The following SOX5 variants were observed in gnomAD, a reference collection of about 807,000 sequenced individuals.
SOX5 encodes SRY-box transcription factor 5.
SOX5 carries 9 observed loss-of-function variants against 92.0 expected under a neutral mutation model. The ratio of observed to expected loss-of-function variants is 0.10; its 90% CI spans 0.06 to 0.17. SOX5 has a LOEUF of 0.17. Among genes scored for constraint, SOX5 ranks in the 10% least tolerant of loss-of-function variants. SOX5 has a pLI of 1.00. For synonymous variants in SOX5, 344 were observed against 336.3 expected (o/e 1.02, Z -0.25); for missense variants, 642 against 944.5 (o/e 0.68, Z 4.20).
chr12:24,011,885 G>T (rs1004288969), intron 4 of SOX5, among the ~76,000 whole-genome samples: 1 of 151,962 alleles, frequency 6.6e-6, no homozygotes. Flanking sequence ...ACTAACAAGA[G>T]AAAATATTAT....
At chr12:23,979,911 G>GACAGACAGACA (rs1569372459) in intron 4 of SOX5, among the ~76,000 whole-genome samples, 18 of 119,478 alleles carry the variant, frequency 1.5e-4, no homozygotes, top group East Asian at 5.2e-4. Context: ...CTGGCTGGCT[G>GACAGACAGACA]GCCAGACAGA....
At chr12:23,941,892 C>A (rs983257154) in intron 1 of SOX5, among the ~76,000 whole-genome samples, 2 of 151,036 alleles carry the variant, frequency 1.3e-5, no homozygotes, top group Non-Finnish European at 3.0e-5. Flanking sequence ...TATGTGACAT[C>A]CCCCTGCAAC....
intron 3 of SOX5, among the ~76,000 whole-genome samples, chr12:24,255,958 C>T (rs1204404442): frequency 1.3e-5 from 2 of 152,148 alleles, no homozygotes; most frequent in East Asian, 1.9e-4. Context: ...AAATCTGCGG[C>T]ATTTTAAACC....
At chr12:24,468,250 G>A (rs1282031317) in intron 1 of SOX5, among the ~76,000 whole-genome samples, 2 of 152,130 alleles carry the variant, frequency 1.3e-5, no homozygotes, top group Admixed American at 6.5e-5. Context: ...TCAAAGCCTC[G>A]TTCTGCCACT....
At chr12:24,454,762 TTTGAA>T (rs1470276242) in intron 1 of SOX5, among the ~76,000 whole-genome samples, 1 of 152,202 alleles carries the variant, frequency 6.6e-6, no homozygotes, top group Non-Finnish European at 1.5e-5. Context: ...TAAATTTTTA[TTTGAA>T]TTATGTTTAT....
chr12:23,638,985 T>G (rs578041338), intron 8 of SOX5, among the ~76,000 whole-genome samples: 1 of 152,222 alleles, frequency 6.6e-6, no homozygotes, highest in East Asian at 1.9e-4. Flanking sequence ...TTAATTTTCT[T>G]GTTATACTAC....
intron 3 of SOX5, among the ~76,000 whole-genome samples, chr12:24,226,896 G>A (rs2139875798): frequency 6.6e-6 from 1 of 152,118 alleles, no homozygotes; most frequent in Middle Eastern, 3.4e-3. Context: ...AAATCTACTG[G>A]ATCCAACAGC....
At chr12:24,414,827 C>T (rs2136843459) in intron 1 of SOX5, among the ~76,000 whole-genome samples, 1 of 152,288 alleles carries the variant, frequency 6.6e-6, no homozygotes, top group Middle Eastern at 3.4e-3. Flanking sequence ...CAATGCTGTG[C>T]TCTCCCCACA....
intron 4 of SOX5, among the ~76,000 whole-genome samples, chr12:24,116,305 T>C (rs1232150521): frequency 1.3e-5 from 2 of 152,038 alleles, no homozygotes; most frequent in Admixed American, 1.3e-4. Flanking sequence ...ACAAAATACA[T>C]AAGATTACAA....
chr12:24,261,826 G>A (rs2686328), intron 3 of SOX5, among the ~76,000 whole-genome samples: 139,551 of 152,234 alleles, frequency 0.92, 64,895 homozygotes, highest in East Asian at 1. Context: ...TTGGATTCCC[G>A]CTTCTACTCC....
chr12:24,199,001 C>T (rs1957270561), intron 4 of SOX5, among the ~76,000 whole-genome samples: 1 of 152,182 alleles, frequency 6.6e-6, no homozygotes, highest in Non-Finnish European at 1.5e-5. Flanking sequence ...AGAGTACAGA[C>T]GTGGCTGCAC....
intron 9 of SOX5, among the ~76,000 whole-genome samples, chr12:23,600,203 C>A (rs544301894): frequency 1.3e-5 from 2 of 152,146 alleles, no homozygotes; most frequent in African/African-American, 2.4e-5. Context: ...AACAGGATCT[C>A]CTGTCATAAA....
At chr12:24,266,822 T>A (rs1357410361) in intron 3 of SOX5, among the ~76,000 whole-genome samples, 1 of 152,240 alleles carries the variant, frequency 6.6e-6, no homozygotes, top group East Asian at 1.9e-4. Context: ...TCATTTAAGA[T>A]GCAAAGAAGC....
chr12:24,068,828 G>C (rs1023000280), intron 4 of SOX5, among the ~76,000 whole-genome samples: 2 of 147,800 alleles, frequency 1.4e-5, no homozygotes, highest in African/African-American at 5.0e-5. Flanking sequence ...AGGCAAAAAA[G>C]ATGCAGAAGG....
At chr12:23,735,964 G>A (rs1257732591) in intron 5 of SOX5, among the ~76,000 whole-genome samples, 1 of 152,096 alleles carries the variant, frequency 6.6e-6, no homozygotes, top group Non-Finnish European at 1.5e-5. Flanking sequence ...TTTACTCACT[G>A]TTCTCAGGAA....
Position 24,014,839 on chromosome 12 carries a change from T to C in SOX5, c.-1-118815A>G, listed in dbSNP as rs191032861. On this transcript the variant is annotated intron_variant, in intron 4 of 4. Coordinates refer to the SOX5 transcript ENST00000446891. Reference sequence around the variant, plus strand: ...CTTGTTCCTAATATAGACTACAGACTACAGGGTGTTGAGAAGCACAGTATA... The same window carrying C: ...CTTGTTCCTAATATAGACTACAGACCACAGGGTGTTGAGAAGCACAGTATA... Among the ~76,000 whole-genome samples the C allele has an allele frequency of 8.5e-4, 130 of 152,308 alleles. 5 individuals carry two copies. The highest frequency in any genetic ancestry group is 8.4e-3 in the Admixed American group (129 of 15,292).
chr12:24,044,386 C>T (rs1447458874), intron 4 of SOX5, among the ~76,000 whole-genome samples: 2 of 152,104 alleles, frequency 1.3e-5, no homozygotes, highest in African/African-American at 4.8e-5. Context: ...ATATTGCTGC[C>T]TTTTCTAGTC....
intron 1 of SOX5, among the ~76,000 whole-genome samples, chr12:23,908,421 T>C (rs1380617811): frequency 1.3e-5 from 2 of 151,868 alleles, no homozygotes; most frequent in Admixed American, 6.6e-5. Flanking sequence ...AAGGAATCGT[T>C]TATATATTGC....
chr12:24,502,479 T>C (rs561472570), intron 1 of SOX5, among the ~76,000 whole-genome samples: 1 of 152,236 alleles, frequency 6.6e-6, no homozygotes, highest in South Asian at 2.1e-4. Context: ...CTACTGATAA[T>C]GGAAATAAAT....
Sources: allele counts gnomAD v4.1 joint callset (sites outside exome capture counted in the v4.1 genomes callset), GRCh38; gene constraint gnomAD v4.1.1; transcripts MANE v1.5; gene names NCBI Gene and HGNC (gene_info 2026-07-23, HGNC 2026-07-21).